Variants in ATP9B observed in about 807,000 individuals in gnomAD.
ATP9B encodes the protein ATPase phospholipid transporting 9B, also known as probable phospholipid-transporting ATPase IIB.
In ATP9B, 110 loss-of-function variants were observed where a neutral mutation model predicts 146.1. The ratio of observed to expected loss-of-function variants is 0.75; its 90% CI spans 0.65 to 0.88. The LOEUF (loss-of-function observed/expected upper bound fraction) is 0.88, where lower values mean the gene tolerates loss of function less well. Among genes scored for constraint, ATP9B ranks in the 40% least tolerant of loss-of-function variants. ATP9B has a pLI of 0.00. For synonymous variants in ATP9B, 604 were observed against 569.7 expected (o/e 1.06, Z -0.86); for missense variants, 1,499 against 1,496.4 (o/e 1.00, Z -0.03).
intron 26 of ATP9B, 30 bp from the exon 27 acceptor site, chr18:79,372,795 A>G (rs754042243): frequency 7.9e-5 from 119 of 1,513,432 alleles, no homozygotes; most frequent in Non-Finnish European, 1.0e-4. Context: ...GGTTCTGCGC[A>G]CTAACGACGC....
rs139187784 is a variant in ATP9B, at chr18:79,324,944, G to A, written c.1774-4197G>A. Among the ~76,000 whole-genome samples, 365 of 152,352 alleles carry A rather than the reference G, an allele frequency of 2.4e-3. 1 individual carries two copies. The highest frequency in any genetic ancestry group is 6.2e-3 in the South Asian group (30 of 4,826). On this transcript the variant is annotated intron_variant, in intron 15 of 29. Coordinates refer to ENST00000426216, the MANE Select transcript of ATP9B (RefSeq NM_198531.5). Reference sequence around the variant, plus strand: ...ATAGTCATTCCTCCTTCAGAAAGCAGGTTTTGAAGTGTGTTCAGCAGCTGG... The same window carrying A: ...ATAGTCATTCCTCCTTCAGAAAGCAAGTTTTGAAGTGTGTTCAGCAGCTGG...
chr18:79,200,858 T>G (rs924145617), intron 9 of ATP9B, among the ~76,000 whole-genome samples: 10 of 55,142 alleles, frequency 1.8e-4, no homozygotes, highest in African/African-American at 6.7e-4. Context: ...CAGTTGCCAT[T>G]GAGGTTCTAG....
Position 79,277,180 on chromosome 18 carries a change from AT to A in ATP9B, c.1397del (p.Leu466Ter). On this transcript the variant is annotated frameshift_variant, in exon 13 of 30. Transcript: ENST00000426216. LOFTEE classifies it high-confidence loss of function. ...PEELGRLVYL[L>X]TDKTGTLTQN... ...AGGAACTTGGGCGCCTGGTGTATTT[AT>A]TGACAGACAAAACAGGTACTGTTCG... 1 of 1,614,234 alleles carries A rather than the reference AT, an allele frequency of 6.2e-7. No homozygotes were observed. Among genetic ancestry groups the A allele is most frequent in the Non-Finnish European group, 8.5e-7 (1 of 1,180,036 alleles).
intron 6 of ATP9B, among the ~76,000 whole-genome samples, chr18:79,149,427 A>G (rs1057439357): frequency 6.6e-6 from 1 of 152,238 alleles, no homozygotes; most frequent in African/African-American, 2.4e-5. Context: ...TGAGGTTTAA[A>G]AAAAAAGATC....
intron 8 of ATP9B, among the ~76,000 whole-genome samples, chr18:79,191,103 G>A (rs1383992606): frequency 6.6e-6 from 1 of 151,910 alleles, no homozygotes; most frequent in Non-Finnish European, 1.5e-5. Flanking sequence ...ATTGAATTCT[G>A]GCTTGACAAG....
intron 13 of ATP9B, among the ~76,000 whole-genome samples, chr18:79,277,719 G>C (rs2096328825): frequency 6.6e-6 from 1 of 151,792 alleles, no homozygotes; most frequent in South Asian, 2.1e-4. Context: ...TTTCATCAAA[G>C]AACTCTTACC....
At chr18:79,154,214 G>A (rs1181755213) in intron 6 of ATP9B, among the ~76,000 whole-genome samples, 2 of 151,760 alleles carry the variant, frequency 1.3e-5, no homozygotes, top group African/African-American at 4.8e-5. Flanking sequence ...GCCTGCCTCG[G>A]CCTCCCAAGG....
rs2096563689 is a variant in ATP9B, at chr18:79,297,780, T to C, written c.1412-5824T>C. Reference sequence around the variant, plus strand: ...TTCATGTTTCGCCTTGATAAGACTCTACACTGTCGTGTAATAATTGTATCT... The same window carrying C: ...TTCATGTTTCGCCTTGATAAGACTCCACACTGTCGTGTAATAATTGTATCT... On this transcript the variant is annotated intron_variant, in intron 13 of 29. Transcript: ENST00000426216. Among the ~76,000 whole-genome samples, 2 of 148,504 alleles carry C rather than the reference T, an allele frequency of 1.3e-5. 1 individual carries two copies. Among genetic ancestry groups the C allele is most frequent in the Non-Finnish European group, 3.0e-5 (2 of 66,582 alleles).
intron 19 of ATP9B, among the ~76,000 whole-genome samples, chr18:79,340,936 G>C (rs1421007136): frequency 6.6e-6 from 1 of 152,170 alleles, no homozygotes; most frequent in Non-Finnish European, 1.5e-5. Context: ...TGGCAGTCCT[G>C]TGTGCTTGCT....
At position 79,113,349 on chromosome 18, in the gene ATP9B, C is replaced by T. The variant is rs1483000023; in HGVS notation, c.553C>T (p.Pro185Ser). 4.6e-6 allele frequency: 7 copies of T among 1,523,802 alleles called. No homozygotes were observed. The highest frequency in any genetic ancestry group is 6.3e-6 in the Non-Finnish European group (7 of 1,109,682). 94.4% of individuals were successfully genotyped at this position (1,523,802 alleles called of 1,614,324 possible). A position where few individuals can be genotyped will look rare whatever the true frequency, so the allele number is the denominator to read the frequency against. Residue 185 changes from proline to serine, a missense_variant, in exon 4 of 30, where the codon CCT becomes TCT. Coordinates refer to ENST00000426216, the MANE Select transcript of ATP9B (RefSeq NM_198531.5). ...KIGYLYTYWA[P>S]LGFVLAVTMT... ...AGGCTATCTCTACACCTACTGGGCT[C>T]CTCTGGTAAGAAAAGACTTTAAAAA... is the stretch of plus-strand genomic sequence containing the variant.
chr18:79,133,508 A>AACACACAC (rs370697424), intron 5 of ATP9B, among the ~76,000 whole-genome samples: 46 of 147,890 alleles, frequency 3.1e-4, no homozygotes, highest in African/African-American at 1.1e-3. Context: ...AGTGGTTATA[A>AACACACAC]ACACACACAC....
intron 9 of ATP9B, among the ~76,000 whole-genome samples, chr18:79,201,582 A>G (rs186034557): frequency 6.6e-6 from 1 of 151,944 alleles, no homozygotes; most frequent in Admixed American, 6.6e-5. Flanking sequence ...TTACTTCTTT[A>G]TTTTTTGAGA....
Position 79,155,060 on chromosome 18 carries a change from A to G in ATP9B, c.778+505A>G, listed in dbSNP as rs571918101. 2.6e-5 allele frequency among the ~76,000 whole-genome samples: 4 copies of G among 152,338 alleles called. No homozygotes were observed. In the South Asian group the frequency reaches 8.3e-4, roughly 32 times the overall value. On this transcript the variant is annotated intron_variant, in intron 7 of 29. Transcript: ENST00000426216. Reference sequence around the variant, plus strand: ...TGATGTTACTTAAAATTTGATGGCTATTTTGCATTTGCAGTTTTATTCAGC... The same window carrying G: ...TGATGTTACTTAAAATTTGATGGCTGTTTTGCATTTGCAGTTTTATTCAGC...
chr18:79,165,173 A>G (rs1212816632), intron 7 of ATP9B, among the ~76,000 whole-genome samples: 1 of 152,204 alleles, frequency 6.6e-6, no homozygotes, highest in African/African-American at 2.4e-5. Context: ...ACTGAGGTCT[A>G]ACAAGGTCAA....
At chr18:79,349,198 C>G (rs2096908643) in intron 25 of ATP9B, among the ~76,000 whole-genome samples, 1 of 152,200 alleles carries the variant, frequency 6.6e-6, no homozygotes. Context: ...TGGCAGCAAA[C>G]TAAAAGCAGC....
At chr18:79,170,272 A>G (rs2095050287) in intron 7 of ATP9B, among the ~76,000 whole-genome samples, 1 of 152,204 alleles carries the variant, frequency 6.6e-6, no homozygotes, top group Non-Finnish European at 1.5e-5. Context: ...TTCTGAATGA[A>G]ATTGATGAAT....
At chr18:79,331,942 C>G (rs1384144686) in intron 17 of ATP9B, among the ~76,000 whole-genome samples, 1 of 152,162 alleles carries the variant, frequency 6.6e-6, no homozygotes, top group Non-Finnish European at 1.5e-5. Context: ...ACACGAGGGC[C>G]AGGGGCTCCA....
At position 79,377,769 on chromosome 18, in the gene ATP9B, A is replaced by C. The variant is rs1199330286; in HGVS notation, c.*386A>C. 6 of 174,012 alleles carry C rather than the reference A, an allele frequency of 3.4e-5. No homozygotes were observed. Among genetic ancestry groups the C allele is most frequent in the East Asian group, 1.4e-4 (1 of 7,302 alleles). 10.8% of individuals were successfully genotyped at this position (174,012 alleles called of 1,614,324 possible). On this transcript the variant is annotated 3_prime_UTR_variant, in exon 30 of 30. Coordinates refer to ENST00000426216, the MANE Select transcript of ATP9B (RefSeq NM_198531.5). ...TCCCTCTCAGTGTGAGGCTTCACCC[A>C]TGCTAGGCAAGCCCAGGGCACAGAT...
intron 7 of ATP9B, among the ~76,000 whole-genome samples, chr18:79,175,508 GCATA>G (rs1259558297): frequency 3.3e-5 from 5 of 151,862 alleles, no homozygotes; most frequent in Non-Finnish European, 5.9e-5. Context: ...GCATTTGCAT[GCATA>G]CAGATACACT....
Sources: gnomAD v4.1 joint callset for allele counts (sites outside exome capture counted in the v4.1 genomes callset) on GRCh38, gnomAD v4.1.1 for gene constraint, MANE v1.5 for transcripts, NCBI Gene and HGNC (gene_info 2026-07-23, HGNC 2026-07-21) for gene names.